Variants in GLRA3 observed in about 807,000 individuals in gnomAD.
GLRA3 encodes the protein glycine receptor subunit alpha-3.
A neutral mutation model predicts 60.4 loss-of-function variants in GLRA3; 44 were observed. That is an observed-to-expected ratio of 0.73 (90% CI 0.57 to 0.94). The LOEUF (loss-of-function observed/expected upper bound fraction) is 0.94, where lower values mean the gene tolerates loss of function less well. GLRA3 is among the 40% of genes least tolerant of loss of function. The pLI is 0.00. For synonymous variants in GLRA3, 223 were observed against 192.9 expected, an observed-to-expected ratio of 1.16 and a Z score of -1.29; for missense variants, 508 against 564.6, an observed-to-expected ratio of 0.90 and a Z score of 1.02.
rs1193913774 is a variant in GLRA3 at position 174,671,184 on chromosome 4, A to G, written c.927+5894T>C. Among the ~76,000 whole-genome samples the G allele has an allele frequency of 2.0e-5, 3 of 152,162 alleles. No homozygotes were observed. In the East Asian group the frequency reaches 5.8e-4, roughly 29 times the overall value. ...ATGAACTCACTTGGATCATGTTTGT[A>G]CTGAACTTGATTGAAGTAACATTAG... On this transcript the variant is annotated intron_variant, in intron 7 of 9. Transcript: ENST00000274093.
intron 1 of GLRA3, among the ~76,000 whole-genome samples, chr4:174,797,051 T>A (rs1272760966): frequency 1.3e-5 from 2 of 152,316 alleles, no homozygotes; most frequent in Non-Finnish European, 2.9e-5. Context: ...ATAACCAATT[T>A]GGCAGCCTAC....
intron 1 of GLRA3, among the ~76,000 whole-genome samples, chr4:174,793,003 T>C (rs1739416326): frequency 6.6e-6 from 1 of 152,140 alleles, no homozygotes; most frequent in African/African-American, 2.4e-5. Flanking sequence ...TCCCACTGTT[T>C]TTACTAAGAG....
chr4:174,720,897 G>C (rs1736103068), intron 4 of GLRA3, among the ~76,000 whole-genome samples: 1 of 152,138 alleles, frequency 6.6e-6, no homozygotes, highest in Admixed American at 6.6e-5. Flanking sequence ...GTGAGTGGTA[G>C]ACAAATAGCT....
intron 9 of GLRA3, among the ~76,000 whole-genome samples, chr4:174,654,875 T>C (rs1187295085): frequency 6.6e-6 from 1 of 151,862 alleles, no homozygotes; most frequent in Non-Finnish European, 1.5e-5. Flanking sequence ...GCTGGGACAG[T>C]GTGGGGTGGG....
chr4:174,688,709 G>C (rs1006286239), intron 5 of GLRA3, among the ~76,000 whole-genome samples: 1 of 151,134 alleles, frequency 6.6e-6, no homozygotes, highest in Non-Finnish European at 1.5e-5. Flanking sequence ...ATATGTTGAA[G>C]GTAGTTGAAA....
intron 1 of GLRA3, among the ~76,000 whole-genome samples, chr4:174,803,491 G>T (rs146969664): frequency 6.6e-6 from 1 of 152,242 alleles, no homozygotes; most frequent in African/African-American, 2.4e-5. Flanking sequence ...GGCTCCAGAT[G>T]GCTAGCCAGG....
chr4:174,828,970 A>C lies in GLRA3; in HGVS notation c.-159T>G. The C allele has an allele frequency of 1.6e-6, 1 of 623,830 alleles. No individual in the cohort carries two copies. Among genetic ancestry groups the C allele is most frequent in the Non-Finnish European group, 2.9e-6 (1 of 342,948 alleles). 38.6% of individuals were successfully genotyped at this position (623,830 alleles called of 1,614,324 possible). Reference sequence around the variant, plus strand: ...TTAGACAGCTCCCCGCAGTATGCGGACCCCTTCTCAGCATTGAGCAGAAGT... The same window carrying C: ...TTAGACAGCTCCCCGCAGTATGCGGCCCCCTTCTCAGCATTGAGCAGAAGT... On this transcript the variant is annotated 5_prime_UTR_variant, in exon 1 of 10. Coordinates refer to ENST00000274093, the MANE Select transcript of GLRA3 (RefSeq NM_006529.4).
chr4:174,788,228 T>TA (rs1182452235), intron 2 of GLRA3, among the ~76,000 whole-genome samples: 8 of 152,038 alleles, frequency 5.3e-5, no homozygotes, highest in Non-Finnish European at 1.2e-4. Flanking sequence ...ACATGTTACT[T>TA]ACAACTATAT....
At position 174,643,603 on chromosome 4, in the gene GLRA3, A is replaced by C; in HGVS notation, c.*183T>G. ...ATCCCCTAATAAATATTTTATATTCATTAAAAGAATCTCATCTTTCTCATG... is the reference window on the plus strand; with the variant it reads ...ATCCCCTAATAAATATTTTATATTCCTTAAAAGAATCTCATCTTTCTCATG... On this transcript the variant is annotated 3_prime_UTR_variant, in exon 10 of 10. Transcript: ENST00000274093. The C allele has an allele frequency of 7.6e-7, 1 of 1,323,762 alleles. No individual in the cohort carries two copies. Among genetic ancestry groups the C allele is most frequent in the Non-Finnish European group, 9.7e-7 (1 of 1,033,950 alleles). The allele number at this position is 1,323,762 out of a possible 1,614,324, so 82.0% of individuals were successfully genotyped here.
intron 5 of GLRA3, among the ~76,000 whole-genome samples, chr4:174,702,254 T>G (rs539975245): frequency 6.6e-6 from 1 of 152,284 alleles, no homozygotes; most frequent in East Asian, 1.9e-4. Context: ...GGAAAATGAT[T>G]ATGACTCACT....
intron 5 of GLRA3, among the ~76,000 whole-genome samples, chr4:174,685,707 G>A (rs1385029756): frequency 1.3e-5 from 2 of 152,046 alleles, no homozygotes; most frequent in African/African-American, 2.4e-5. Context: ...CCTTTAATAT[G>A]TCCATTATAA....
At chr4:174,821,513 T>G (rs1223266824) in intron 1 of GLRA3, among the ~76,000 whole-genome samples, 1 of 152,108 alleles carries the variant, frequency 6.6e-6, no homozygotes, top group East Asian at 1.9e-4. Context: ...AAGTTTTTTC[T>G]CAGGGGGATA....
chr4:174,659,114 T>C lies in GLRA3; in HGVS notation c.1011A>G (p.Val337=). The stretch of plus-strand genomic sequence containing the variant: ...CTTTGTGTTGTCTTGATACAAAATT[T>C]ACAGCTGCATACTCCAGAAGTGCTG... ...VFSALLEYAA[V]NFVSRQHKEL... Residue 337 remains valine (V), a synonymous_variant, in exon 8 of 10, where the codon GTA becomes GTG. Transcript: ENST00000274093. 1 of 1,612,350 alleles carries C rather than the reference T, an allele frequency of 6.2e-7. No individual in the cohort carries two copies. Among genetic ancestry groups the C allele is most frequent in the Non-Finnish European group, 8.5e-7 (1 of 1,178,596 alleles).
intron 5 of GLRA3, among the ~76,000 whole-genome samples, chr4:174,685,504 A>C (rs1008727385): frequency 2.0e-5 from 3 of 152,182 alleles, no homozygotes; most frequent in Non-Finnish European, 4.4e-5. Context: ...TTGAGATTGA[A>C]GGAAGCACGC....
chr4:174,674,976 C>A (rs554139386), intron 7 of GLRA3, among the ~76,000 whole-genome samples: 1 of 152,210 alleles, frequency 6.6e-6, no homozygotes, highest in African/African-American at 2.4e-5. Flanking sequence ...TAGATTAATT[C>A]TTTTGTTTAT....
At chr4:174,725,411 A>T (rs895214238) in intron 4 of GLRA3, among the ~76,000 whole-genome samples, 7 of 152,148 alleles carry the variant, frequency 4.6e-5, no homozygotes, top group Non-Finnish European at 1.0e-4. Flanking sequence ...ATTTGTTTCA[A>T]GCATATTTGT....
intron 7 of GLRA3, among the ~76,000 whole-genome samples, chr4:174,669,597 A>G (rs1019786276): frequency 1.3e-5 from 2 of 152,098 alleles, no homozygotes. Flanking sequence ...TGTTTTTGTG[A>G]AAGGGTTTTT....
chr4:174,811,107 A>C (rs2111369152), intron 1 of GLRA3, among the ~76,000 whole-genome samples: 1 of 150,454 alleles, frequency 6.6e-6, no homozygotes, highest in South Asian at 2.1e-4. Context: ...TAACACACAC[A>C]CACACACAGA....
chr4:174,734,522 A>C (rs991990859), intron 3 of GLRA3, among the ~76,000 whole-genome samples: 3 of 152,228 alleles, frequency 2.0e-5, no homozygotes, highest in Admixed American at 2.0e-4. Context: ...GAGGCTTAAA[A>C]GGTTATCTTA....
Sources: gnomAD v4.1 joint callset for allele counts (sites outside exome capture counted in the v4.1 genomes callset) on GRCh38, gnomAD v4.1.1 for gene constraint, MANE v1.5 for transcripts, NCBI Gene and HGNC (gene_info 2026-07-23, HGNC 2026-07-21) for gene names.